PPM1L: variants seen among roughly 807,000 people sequenced by gnomAD.
The protein encoded by PPM1L is protein phosphatase 1L.
A neutral mutation model predicts 31.4 loss-of-function variants in PPM1L; 13 were observed. The observed-to-expected ratio is 0.41, with a 90% CI of 0.27 to 0.66. PPM1L has a LOEUF of 0.66. Among genes scored for constraint, PPM1L ranks in the 30% least tolerant of loss-of-function variants. The pLI, the probability that PPM1L is intolerant of heterozygous loss-of-function variation, is 0.29. For synonymous variants in PPM1L, 184 were observed against 175.4 expected (o/e 1.05, Z -0.39); for missense variants, 326 against 453.7 (o/e 0.72, Z 2.56).
At chr3:160,862,741 A>AGT (rs1366560187) in intron 1 of PPM1L, among the ~76,000 whole-genome samples, 1 of 151,214 alleles carries the variant, frequency 6.6e-6, no homozygotes, top group African/African-American at 2.4e-5. Context: ...ATCCCCAGTG[A>AGT]GTTTCAATTT....
chr3:161,058,774 G>A (rs1038301722), intron 2 of PPM1L, among the ~76,000 whole-genome samples: 2 of 152,010 alleles, frequency 1.3e-5, no homozygotes, highest in Non-Finnish European at 2.9e-5. Context: ...TGAACAAATC[G>A]TTATTACAAC....
intron 1 of PPM1L, among the ~76,000 whole-genome samples, chr3:160,895,433 G>A (rs1713303182): frequency 1.3e-5 from 2 of 152,010 alleles, no homozygotes; most frequent in Admixed American, 1.3e-4. Context: ...GCCCAGGCTG[G>A]TCTCAAACTC....
At chr3:160,855,574 C>T (rs999395844) in intron 1 of PPM1L, among the ~76,000 whole-genome samples, 9 of 152,130 alleles carry the variant, frequency 5.9e-5, no homozygotes, top group Non-Finnish European at 7.4e-5. Context: ...TGAATAGACA[C>T]GTTTCAAAAG....
At chr3:161,012,026 T>C (rs772304175) in intron 2 of PPM1L, among the ~76,000 whole-genome samples, 3 of 152,206 alleles carry the variant, frequency 2.0e-5, no homozygotes, top group Admixed American at 6.5e-5. Context: ...TCCTGCCTAA[T>C]TGCCCTGGCC....
chr3:160,973,042 C>T (rs926035665), intron 2 of PPM1L, among the ~76,000 whole-genome samples: 9 of 152,046 alleles, frequency 5.9e-5, no homozygotes, highest in Non-Finnish European at 1.3e-4. Context: ...AATCACATTC[C>T]CCAACTTCAT....
intron 1 of PPM1L, among the ~76,000 whole-genome samples, chr3:160,958,788 G>C (rs1715861312): frequency 6.6e-6 from 1 of 152,216 alleles, no homozygotes; most frequent in East Asian, 1.9e-4. Flanking sequence ...TGTTACCTTT[G>C]GCTACTCTAG....
intron 1 of PPM1L, among the ~76,000 whole-genome samples, chr3:160,881,773 C>T (rs1052861524): frequency 2.0e-5 from 3 of 152,138 alleles, no homozygotes; most frequent in South Asian, 2.1e-4. Flanking sequence ...GTATTCCGGC[C>T]GGGCGCGGTG....
intron 2 of PPM1L, among the ~76,000 whole-genome samples, chr3:160,977,404 G>A (rs1716629914): frequency 6.6e-6 from 1 of 152,220 alleles, no homozygotes; most frequent in Admixed American, 6.5e-5. Flanking sequence ...CGTGCCGAGA[G>A]TCTAAGAAAT....
intron 1 of PPM1L, among the ~76,000 whole-genome samples, chr3:160,847,147 CTG>C (rs1226174759): frequency 6.6e-6 from 1 of 152,142 alleles, no homozygotes; most frequent in Non-Finnish European, 1.5e-5. Flanking sequence ...TCAAATCACA[CTG>C]TTTCTTCCCT....
At position 161,076,984 on chromosome 3, in the gene PPM1L, G is replaced by A. The variant is rs1720122260; in HGVS notation, c.*7827G>A. ...TATTTTATTCTTTCCTTTTTTGTGT[G>A]AGCATCTACTATGTGCCAGGCAGTG... On this transcript the variant is annotated 3_prime_UTR_variant, in exon 4 of 4. Transcript: ENST00000498165. 1 of 152,046 alleles carries A rather than the reference G, an allele frequency of 6.6e-6. No homozygotes were observed. Among genetic ancestry groups the A allele is most frequent in the African/African-American group, 2.4e-5 (1 of 41,430 alleles). 9.4% of individuals were successfully genotyped at this position (152,046 alleles called of 1,614,324 possible). A position where few individuals can be genotyped will look rare whatever the true frequency, so the allele number is the denominator to read the frequency against.
In PPM1L at chr3:161,072,164, A is replaced by AAAT. The variant is rs1268941616; in HGVS notation, c.*3008_*3010dup. 4 of 152,312 alleles carry AAAT rather than the reference A, an allele frequency of 2.6e-5. No homozygotes were observed. The East Asian group carries it at 7.7e-4, about 29-fold the overall frequency. The allele number at this position is 152,312 out of a possible 1,614,324, so 9.4% of individuals were successfully genotyped here. A position where few individuals can be genotyped will look rare whatever the true frequency, so the allele number is the denominator to read the frequency against. ...AATTTTTTTTAATTAATTGTATCTA[A>AAAT]AATTCTTTCATCATAGGAATAAACA... is the stretch of plus-strand genomic sequence containing the variant. On this transcript the variant is annotated 3_prime_UTR_variant, in exon 4 of 4. Coordinates refer to ENST00000498165, the MANE Select transcript of PPM1L (RefSeq NM_139245.4).
At chr3:160,951,785 A>G (rs1462110167) in intron 1 of PPM1L, among the ~76,000 whole-genome samples, 1 of 152,140 alleles carries the variant, frequency 6.6e-6, no homozygotes, top group Admixed American at 6.6e-5. Flanking sequence ...CTTAAATGGG[A>G]ACTTTAGTCT....
intron 1 of PPM1L, among the ~76,000 whole-genome samples, chr3:160,876,516 G>A (rs1237204157): frequency 1.3e-5 from 2 of 152,218 alleles, no homozygotes; most frequent in Non-Finnish European, 2.9e-5. Context: ...CAAGATGTTA[G>A]AAGAAATTCA....
chr3:160,782,075 T>A (rs1319102228), intron 1 of PPM1L, among the ~76,000 whole-genome samples: 2 of 152,194 alleles, frequency 1.3e-5, no homozygotes, highest in Non-Finnish European at 2.9e-5. Context: ...TATAAGGCTT[T>A]ATAGCCATTA....
In PPM1L at chr3:160,768,497, T is replaced by C. The variant is rs1204457311; in HGVS notation, c.399+11790T>C. ...TTTTTTCTCTTCCCCCAAAATTAAA[T>C]ATTAACATTAAATTTATGTGAGAAG... On this transcript the variant is annotated intron_variant, in intron 1 of 3. Coordinates refer to ENST00000498165, the MANE Select transcript of PPM1L (RefSeq NM_139245.4). Among the ~76,000 whole-genome samples, 4 of 152,328 alleles carry C rather than the reference T, an allele frequency of 2.6e-5. No individual in the cohort carries two copies. In the East Asian group the frequency reaches 7.7e-4, roughly 29 times the overall value.
intron 2 of PPM1L, among the ~76,000 whole-genome samples, chr3:161,024,569 A>T (rs1306161831): frequency 6.6e-6 from 1 of 152,048 alleles, no homozygotes; most frequent in Non-Finnish European, 1.5e-5. Context: ...GTGGTGGCAC[A>T]TGCCTGTAAT....
At chr3:160,917,769 A>G (rs1446411267) in intron 1 of PPM1L, among the ~76,000 whole-genome samples, 4 of 152,202 alleles carry the variant, frequency 2.6e-5, no homozygotes, top group South Asian at 2.1e-4. Context: ...ACCGTTTAGT[A>G]CATGTATGGC....
intron 2 of PPM1L, among the ~76,000 whole-genome samples, chr3:161,024,733 GT>G (rs1407026449): frequency 1.3e-5 from 2 of 151,216 alleles, no homozygotes; most frequent in Non-Finnish European, 2.9e-5. Flanking sequence ...TGCAAATGAG[GT>G]TTTTCCAGTG....
At chr3:160,980,761 A>T (rs7611005) in intron 2 of PPM1L, among the ~76,000 whole-genome samples, 52,713 of 148,898 alleles carry the variant, frequency 0.35, 9,595 homozygotes, top group East Asian at 0.61. Flanking sequence ...AAAGAGAAGG[A>T]AAGACGGAAA....
Sources: gnomAD v4.1 joint callset for allele counts (sites outside exome capture counted in the v4.1 genomes callset) on GRCh38, gnomAD v4.1.1 for gene constraint, MANE v1.5 for transcripts, NCBI Gene and HGNC (gene_info 2026-07-23, HGNC 2026-07-21) for gene names.